Variants in SIL1 observed in about 807,000 individuals in gnomAD.
SIL1 encodes the protein SIL1 nucleotide exchange factor, also known as nucleotide exchange factor SIL1.
A neutral mutation model predicts 49.1 loss-of-function variants in SIL1; 40 were observed. The observed-to-expected ratio is 0.81, with a 90% CI of 0.63 to 1.06. The LOEUF is 1.06. Ranked by LOEUF, SIL1 falls within the 50% of genes least tolerant of loss-of-function variation. The pLI, the probability that SIL1 is intolerant of heterozygous loss-of-function variation, is 0.00. For synonymous variants in SIL1, 253 were observed against 250.8 expected, an observed-to-expected ratio of 1.01 and a Z score of -0.08; for missense variants, 500 against 572.6, an observed-to-expected ratio of 0.87 and a Z score of 1.29.
chr5:139,045,972 C>T (rs1266283429), intron 4 of SIL1, among the ~76,000 whole-genome samples: 2 of 152,222 alleles, frequency 1.3e-5, no homozygotes, highest in African/African-American at 4.8e-5. Flanking sequence ...ATTCTGTCTT[C>T]TTTTGTCCAC....
At chr5:139,143,342 C>CAT (rs1254298733) in intron 1 of SIL1, among the ~76,000 whole-genome samples, 68 of 90,622 alleles carry the variant, frequency 7.5e-4, no homozygotes, top group South Asian at 1.6e-3. Flanking sequence ...CACACACACA[C>CAT]ACATATATAT....
intron 1 of SIL1, among the ~76,000 whole-genome samples, chr5:139,163,980 A>G (rs184088593): frequency 6.6e-6 from 1 of 152,174 alleles, no homozygotes; most frequent in African/African-American, 2.4e-5. Flanking sequence ...TTAGCTGGGT[A>G]TGGTGGCGTA....
At chr5:139,041,359 C>G (rs1039814876) in intron 5 of SIL1, among the ~76,000 whole-genome samples, 1 of 152,126 alleles carries the variant, frequency 6.6e-6, no homozygotes, top group African/African-American at 2.4e-5. Flanking sequence ...GTTTCCTATC[C>G]CCCAAAAAGG....
chr5:139,164,157 G>C (rs1751573004), intron 1 of SIL1, among the ~76,000 whole-genome samples: 1 of 150,072 alleles, frequency 6.7e-6, no homozygotes, highest in Non-Finnish European at 1.5e-5. Context: ...CCATTTTACA[G>C]ATAAAGTAAC....
intron 4 of SIL1, among the ~76,000 whole-genome samples, chr5:139,043,884 G>A (rs1201285037): frequency 6.6e-6 from 1 of 152,174 alleles, no homozygotes; most frequent in Admixed American, 6.5e-5. Flanking sequence ...GTTGGGTTCA[G>A]GATTCCATAT....
intron 7 of SIL1, among the ~76,000 whole-genome samples, chr5:138,977,220 C>G (rs980341993): frequency 3.9e-5 from 6 of 152,174 alleles, no homozygotes; most frequent in Non-Finnish European, 7.3e-5. Context: ...AGAGTAGCCA[C>G]AAACATGGAG....
chr5:139,092,488 G>A (rs1009188045), intron 3 of SIL1, among the ~76,000 whole-genome samples: 2 of 152,128 alleles, frequency 1.3e-5, no homozygotes, highest in Non-Finnish European at 2.9e-5. Flanking sequence ...TGAGACAGGC[G>A]AAATGGAAGG....
intron 2 of SIL1, among the ~76,000 whole-genome samples, chr5:139,125,575 A>G (rs767133973): frequency 6.6e-6 from 1 of 152,216 alleles, no homozygotes; most frequent in Non-Finnish European, 1.5e-5. Context: ...AACAGCTGAC[A>G]TTCATTAACC....
chr5:139,101,604 C>T (rs943858645), intron 3 of SIL1, among the ~76,000 whole-genome samples: 2 of 152,228 alleles, frequency 1.3e-5, no homozygotes, highest in African/African-American at 2.4e-5. Flanking sequence ...TACCACATAG[C>T]AAGTGCTCAA....
chr5:139,081,370 T>G (rs1335937524), intron 3 of SIL1, among the ~76,000 whole-genome samples: 1 of 152,204 alleles, frequency 6.6e-6, no homozygotes, highest in African/African-American at 2.4e-5. Context: ...TCCTCGTGCC[T>G]TAGCCTCCCA....
chr5:138,964,053 C>G (rs148639274), intron 7 of SIL1, among the ~76,000 whole-genome samples: 1 of 152,210 alleles, frequency 6.6e-6, no homozygotes, highest in Middle Eastern at 3.2e-3. Context: ...CTCACCAGAC[C>G]GGAATGGGAA....
chr5:139,107,409 A>G (rs1383847638), intron 3 of SIL1, among the ~76,000 whole-genome samples: 3 of 152,256 alleles, frequency 2.0e-5, no homozygotes, highest in Non-Finnish European at 4.4e-5. Flanking sequence ...AAAGAAAAAA[A>G]AATACAGAGT....
At chr5:139,115,199 G>A (rs911591394) in intron 3 of SIL1, among the ~76,000 whole-genome samples, 1 of 152,144 alleles carries the variant, frequency 6.6e-6, no homozygotes, top group East Asian at 1.9e-4. Context: ...GAACACACTG[G>A]GAGCTTTGCC....
At chr5:139,125,022 G>A (rs1199875298) in intron 2 of SIL1, among the ~76,000 whole-genome samples, 2 of 152,244 alleles carry the variant, frequency 1.3e-5, no homozygotes, top group Admixed American at 1.3e-4. Context: ...GCGGGATACT[G>A]AGATCACCTT....
chr5:139,027,993 T>C (rs1268551825), intron 5 of SIL1, among the ~76,000 whole-genome samples: 3 of 152,068 alleles, frequency 2.0e-5, no homozygotes, highest in African/African-American at 7.2e-5. Context: ...GGGCGCCACA[T>C]CCTGATTCTC....
At chr5:139,099,780 A>C (rs566131773) in intron 3 of SIL1, among the ~76,000 whole-genome samples, 24 of 152,310 alleles carry the variant, frequency 1.6e-4, no homozygotes, top group African/African-American at 5.5e-4. Context: ...ATAGGCTAGG[A>C]AAGGGAGTGG....
At chr5:139,136,706 T>C (rs1444142695) in intron 1 of SIL1, among the ~76,000 whole-genome samples, 3 of 152,034 alleles carry the variant, frequency 2.0e-5, no homozygotes, top group East Asian at 1.9e-4. Flanking sequence ...GGCACAAGGG[T>C]AGGCCACTCC....
chr5:138,999,886 A>C (rs1287869094), intron 7 of SIL1, among the ~76,000 whole-genome samples: 1 of 152,154 alleles, frequency 6.6e-6, no homozygotes, highest in East Asian at 1.9e-4. Context: ...TGACAGAGTA[A>C]GTCTCAGAAA....
chr5:139,185,691 G>C (rs1752066025), intron 1 of SIL1, among the ~76,000 whole-genome samples: 1 of 152,184 alleles, frequency 6.6e-6, no homozygotes. Flanking sequence ...GAGACAAACT[G>C]CACTGCTTTC....
Sources: allele counts gnomAD v4.1 joint callset (sites outside exome capture counted in the v4.1 genomes callset), GRCh38; gene constraint gnomAD v4.1.1; transcripts MANE v1.5; gene names NCBI Gene and HGNC (gene_info 2026-07-23, HGNC 2026-07-21).